The following NEK5 variants were observed in gnomAD, a reference collection of about 807,000 sequenced individuals.
The protein encoded by NEK5 is serine/threonine-protein kinase Nek5.
A neutral mutation model predicts 109.2 loss-of-function variants in NEK5; 88 were observed. The observed-to-expected ratio is 0.81, with a 90% CI of 0.68 to 0.96. NEK5 has a LOEUF of 0.96. NEK5 is among the 40% of genes least tolerant of loss of function. The pLI, the probability that NEK5 is intolerant of heterozygous loss-of-function variation, is 0.00. For synonymous variants in NEK5, 283 were observed against 299.9 expected (o/e 0.94, Z 0.58); for missense variants, 834 against 920.7 (o/e 0.91, Z 1.22).
At chr13:52,040,119 T>C (rs1056792423) in intron 23 of NEK5, among the ~76,000 whole-genome samples, 4 of 150,290 alleles carry the variant, frequency 2.7e-5, no homozygotes, top group Non-Finnish European at 4.4e-5. Context: ...AATCTCACTT[T>C]TGTCCCCCAG....
chr13:52,057,158 T>C (rs1246890866), intron 22 of NEK5, among the ~76,000 whole-genome samples: 1 of 152,180 alleles, frequency 6.6e-6, no homozygotes, highest in Non-Finnish European at 1.5e-5. Context: ...CATCAGAGAA[T>C]ACTACAAACA....
At chr13:52,056,137 G>A (rs1954553006) in intron 22 of NEK5, among the ~76,000 whole-genome samples, 1 of 151,988 alleles carries the variant, frequency 6.6e-6, no homozygotes, top group Non-Finnish European at 1.5e-5. Flanking sequence ...AAAAAGGCAG[G>A]GTTGCAATCC....
At chr13:52,049,615 T>C (rs1954486985) in intron 23 of NEK5, among the ~76,000 whole-genome samples, 1 of 151,674 alleles carries the variant, frequency 6.6e-6, no homozygotes, top group South Asian at 2.1e-4. Context: ...ATTGGAAGAA[T>C]TGTCTTGGGC....
At chr13:52,084,000 T>C (rs1955066507) in intron 16 of NEK5, among the ~76,000 whole-genome samples, 1 of 152,134 alleles carries the variant, frequency 6.6e-6, no homozygotes, top group East Asian at 1.9e-4. Context: ...GTCCCAACCT[T>C]TGCATGGTTC....
chr13:52,063,933 G>C (rs1483416597), intron 21 of NEK5, among the ~76,000 whole-genome samples: 1 of 147,480 alleles, frequency 6.8e-6, no homozygotes, highest in Non-Finnish European at 1.5e-5. Context: ...CAGCCGCCCC[G>C]TCCGGGAGGG....
intron 23 of NEK5, among the ~76,000 whole-genome samples, chr13:52,042,622 A>G (rs998122116): frequency 1.3e-5 from 2 of 151,854 alleles, no homozygotes; most frequent in Non-Finnish European, 2.9e-5. Context: ...CTTTTTAAGT[A>G]AAATTATACT....
chr13:52,073,712 T>C (rs1158319905), intron 19 of NEK5, among the ~76,000 whole-genome samples: 1 of 152,176 alleles, frequency 6.6e-6, no homozygotes, highest in African/African-American at 2.4e-5. Context: ...CTTATGATAC[T>C]ATAGGTTGAA....
intron 9 of NEK5, 61 bp from the exon 10 acceptor site, chr13:52,102,353 A>G: frequency 7.7e-7 from 1 of 1,297,386 alleles, no homozygotes; most frequent in Non-Finnish European, 1.1e-6. Flanking sequence ...AACAAATAAT[A>G]AAAGTGTTAA....
chr13:52,106,179 C>CA (rs5803596), intron 8 of NEK5, among the ~76,000 whole-genome samples: 3,045 of 144,398 alleles, frequency 0.021, 100 homozygotes, highest in African/African-American at 0.071. Flanking sequence ...GGGGATGTCT[C>CA]AAAAAAAAAA....
At position 52,059,815 on chromosome 13, in the gene NEK5, G is replaced by T. The variant is rs1319831180; in HGVS notation, c.2110+2004C>A. 8.7e-5 allele frequency among the ~76,000 whole-genome samples: 13 copies of T among 149,794 alleles called. No individual in the cohort carries two copies. The South Asian group carries it at 1.5e-3, about 17-fold the overall frequency. On this transcript the variant is annotated intron_variant, in intron 22 of 23. Transcript: ENST00000684899. ...TCTGGGGCCTGTTGTGGGGTGGGGGGACGGGGGAGGGATAGCATTGGGAGA... is the reference window on the plus strand; with the variant it reads ...TCTGGGGCCTGTTGTGGGGTGGGGGTACGGGGGAGGGATAGCATTGGGAGA...
rs1169095316 is a variant in NEK5, at chr13:52,076,092, T to C, written c.1624A>G (p.Lys542Glu). 6.2e-7 allele frequency: 1 copy of C among 1,601,996 alleles called. No homozygotes were observed. Among genetic ancestry groups the C allele is most frequent in the South Asian group, 1.1e-5 (1 of 89,330 alleles). Residue 542 changes from lysine to glutamate, a missense_variant, in exon 18 of 24, where the codon AAA (lysine) becomes GAA (glutamate). By Grantham distance (56) the Lys-to-Glu change is moderately conservative. Around this residue, in one of 2 missense-constraint regions of NEK5, gnomAD observed 777 missense variants for 824.7 expected, o/e 0.94. Transcript: ENST00000684899. ...GCTTTATATTTCTGTTCTGGATTTT[T>C]ACTTTCCTTTGTGTTCTGAAGCCTC... Reference protein sequence around the residue: ...QMRLQNTKESKNPEQKYKAKK... With the variant: ...QMRLQNTKESENPEQKYKAKK...
At chr13:52,101,882 G>A (rs756786711) in intron 11 of NEK5, 51 bp downstream of exon 11, 2 of 1,378,162 alleles carry the variant, frequency 1.5e-6, no homozygotes, top group East Asian at 4.6e-5. Flanking sequence ...TACTCTCTGT[G>A]TGAGACATGT....
chr13:52,052,508 G>A (rs1954515863), intron 22 of NEK5, among the ~76,000 whole-genome samples: 1 of 152,166 alleles, frequency 6.6e-6, no homozygotes, highest in Non-Finnish European at 1.5e-5. Context: ...TCAGGGGAAC[G>A]TATTTGCAGC....
chr13:52,096,969 G>C (rs1955429831), intron 12 of NEK5, among the ~76,000 whole-genome samples: 2 of 152,184 alleles, frequency 1.3e-5, no homozygotes, highest in South Asian at 4.2e-4. Context: ...ATGGTGTCCT[G>C]TATTGTGGCT....
intron 22 of NEK5, among the ~76,000 whole-genome samples, chr13:52,050,680 G>A (rs1178886204): frequency 6.7e-6 from 1 of 149,006 alleles, no homozygotes; most frequent in African/African-American, 2.5e-5. Flanking sequence ...TTGGGAAAAG[G>A]ACTAGATTGA....
chr13:52,083,974 GCA>G (rs1051358646), intron 16 of NEK5, among the ~76,000 whole-genome samples: 11 of 152,098 alleles, frequency 7.2e-5, no homozygotes, highest in African/African-American at 2.4e-4. Flanking sequence ...GCCCCTCCCA[GCA>G]CACACAGTCC....
intron 20 of NEK5, among the ~76,000 whole-genome samples, chr13:52,068,785 CA>C (rs1954733038): frequency 6.6e-6 from 1 of 151,972 alleles, no homozygotes; most frequent in African/African-American, 2.4e-5. Flanking sequence ...GCCTGGCAAA[CA>C]TGGTGAAACC....
chr13:52,037,840 A>C (rs374236790), intron 23 of NEK5, among the ~76,000 whole-genome samples: 1 of 151,604 alleles, frequency 6.6e-6, no homozygotes, highest in Non-Finnish European at 1.5e-5. Flanking sequence ...GGAGAATGGC[A>C]TGAACCTGGG....
intron 22 of NEK5, among the ~76,000 whole-genome samples, chr13:52,060,448 G>A (rs574572339): frequency 3.9e-5 from 6 of 151,996 alleles, no homozygotes; most frequent in South Asian, 2.1e-4. Flanking sequence ...TCCGCCACCC[G>A]GGTTCAAGCG....
Sources: gnomAD v4.1 joint callset for allele counts (sites outside exome capture counted in the v4.1 genomes callset) on GRCh38, gnomAD v4.1.1 for gene constraint, gnomAD v4.1.1 regional missense constraint, MANE v1.5 for transcripts, NCBI Gene and HGNC (gene_info 2026-07-23, HGNC 2026-07-21) for gene names.